STAG3: variants seen among roughly 807,000 people sequenced by gnomAD.
The protein encoded by STAG3 is STAG3 cohesin complex component.
In STAG3, 101 loss-of-function variants were observed where a neutral mutation model predicts 160.7. That is an observed-to-expected ratio of 0.63 (90% CI 0.54 to 0.74). The LOEUF (loss-of-function observed/expected upper bound fraction) is 0.74. Ranked by LOEUF, STAG3 falls within the 30% of genes least tolerant of loss-of-function variation. The probability of loss-of-function intolerance (pLI) is 0.00; values close to 1 mark genes in which losing one functional copy is unlikely to be tolerated. For missense variants in STAG3, 1,188 were observed against 1,517.4 expected, an observed-to-expected ratio of 0.78 and a Z score of 3.61; for synonymous variants, 519 against 585.0, an observed-to-expected ratio of 0.89 and a Z score of 1.63.
In STAG3 at chr7:100,187,515, G is replaced by A. The variant is rs535881933; in HGVS notation, c.434-938G>A. ...TACTCTGAAGCCTTTGTACAGGCCT[G>A]GGTACTTTTGGGAGCCTGAGCTGGA... On this transcript the variant is annotated intron_variant, in intron 5 of 33. Transcript: ENST00000615138. 3.3e-5 allele frequency among the ~76,000 whole-genome samples: 5 copies of A among 152,232 alleles called. 1 individual carries two copies. The South Asian group carries it at 1.0e-3, about 32-fold the overall frequency.
At chr7:100,217,888 G>A (rs1802905035), downstream of STAG3, among the ~76,000 whole-genome samples, 1 of 151,762 alleles carries the variant, frequency 6.6e-6, no homozygotes, top group Non-Finnish European at 1.5e-5. Flanking sequence ...TGAAACAGGA[G>A]GGTGACTGCT....
intron 32 of STAG3, chr7:100,212,944 T>TA (rs563019189): frequency 6.5e-6 from 1 of 153,584 alleles, no homozygotes; most frequent in Non-Finnish European, 1.5e-5. Context: ...AAATATAAGG[T>TA]AAAACCACCT....
rs1800784130 is a variant in STAG3 at position 100,197,795 on chromosome 7, G to A, written c.1083G>A (p.Leu361=). 6.2e-7 allele frequency: 1 copy of A among 1,613,850 alleles called. No homozygotes were observed. Among genetic ancestry groups the A allele is most frequent in the Non-Finnish European group, 8.5e-7 (1 of 1,179,910 alleles). Residue 361 remains leucine, a synonymous_variant, in exon 11 of 34, where the codon CTG becomes CTA. Transcript: ENST00000615138. ...TLHDKHREVR[L]KCVKALKGLY... The stretch of plus-strand genomic sequence containing the variant: ...CTCACCAGCACCGAGAAGTCCGCCT[G>A]AAGTGTGTGAAGGCCCTGAAAGGGC...
Position 100,201,107 on chromosome 7 carries a change from G to C in STAG3, c.2079G>C (p.Glu693Asp). 1 of 1,614,166 alleles carries C rather than the reference G, an allele frequency of 6.2e-7. No individual in the cohort carries two copies. Among genetic ancestry groups the C allele is most frequent in the Non-Finnish European group, 8.5e-7 (1 of 1,180,030 alleles). ...CTTCTCAGTCGTCCTTCCTAGATGA[G>C]GATGAGGTATATAATCTGGCAGCCA... is the stretch of plus-strand genomic sequence containing the variant. ...EELLQSSFLD[E>D]DEVYNLAATL... The change falls in exon 20 of 34, where the codon GAG becomes GAC. Residue 693 changes from glutamate to aspartate, a missense_variant. Glu to Asp is a conservative substitution (Grantham distance 45). Around this residue, in one of 4 missense-constraint regions of STAG3, gnomAD observed 647 missense variants for 717.2 expected, o/e 0.90. Transcript: ENST00000615138.
intron 32 of STAG3, 128 bp from the exon 33 acceptor site, chr7:100,213,607 G>A: frequency 6.6e-7 from 1 of 1,516,298 alleles, no homozygotes; most frequent in African/African-American, 1.4e-5. Flanking sequence ...TCCCTCCCAG[G>A]AGGTGCCATA....
At chr7:100,187,737 T>C (rs1396873053) in intron 5 of STAG3, among the ~76,000 whole-genome samples, 1 of 151,422 alleles carries the variant, frequency 6.6e-6, no homozygotes, top group African/African-American at 2.4e-5. Context: ...CCTATGGCCC[T>C]GGCATTGTTG....
intron 29 of STAG3, among the ~76,000 whole-genome samples, chr7:100,206,882 C>T (rs1024751093): frequency 6.6e-6 from 1 of 152,182 alleles, no homozygotes; most frequent in Non-Finnish European, 1.5e-5. Flanking sequence ...CATACCCATT[C>T]GCAGTCTCTG....
downstream of STAG3, among the ~76,000 whole-genome samples, chr7:100,217,634 T>A (rs190932389): frequency 3.9e-5 from 6 of 152,130 alleles, no homozygotes; most frequent in East Asian, 1.9e-4. Context: ...TTTATGGTAT[T>A]CAAGGCAAAG....
Position 100,213,736 on chromosome 7 carries a change from A to T in STAG3, c.3602A>T (p.Gln1201Leu). The T allele has an allele frequency of 6.2e-7, 1 of 1,614,228 alleles. No individual in the cohort carries two copies. Among genetic ancestry groups the T allele is most frequent in the Non-Finnish European group, 8.5e-7 (1 of 1,180,044 alleles). Reference sequence around the variant, plus strand: ...GACTTTTAACCTCATTCTCTCTAGCAAGCAAGTAGCTACTCTTCCACCAGT... The same window carrying T: ...GACTTTTAACCTCATTCTCTCTAGCTAGCAAGTAGCTACTCTTCCACCAGT... Reference protein sequence around the residue: ...SNEERQDTDMQASSYSSTSER... With the variant: ...SNEERQDTDMLASSYSSTSER... The change falls in exon 33 of 34, where the codon CAA becomes CTA. Residue 1201 changes from glutamine to leucine, a missense_variant and splice_region_variant. Transcript: ENST00000615138.
chr7:100,180,572 C>G lies in STAG3; in HGVS notation c.16C>G (p.Gln6Glu), dbSNP rs1799580856. The G allele has an allele frequency of 6.2e-7, 1 of 1,610,768 alleles. No homozygotes were observed. Among genetic ancestry groups the G allele is most frequent in the African/African-American group, 1.3e-5 (1 of 74,894 alleles). Reference protein sequence around the residue: MSSPLQRAVGDTKRAL... With the variant: MSSPLERAVGDTKRAL... ...CTCTCCAAGCATGTCTTCCCCGTTG[C>G]AAAGAGCTGTGGGAGATACCAAGAG... Residue 6 changes from glutamine (Q) to glutamate (E), a missense_variant, in exon 2 of 34, where the codon CAA becomes GAA. Coordinates refer to ENST00000615138, the MANE Select transcript of STAG3 (RefSeq NM_001282717.2).
At position 100,202,233 on chromosome 7, in the gene STAG3, G is replaced by C. The variant is rs752782533; in HGVS notation, c.2456G>C (p.Arg819Pro). The change falls in exon 24 of 34, where the codon CGT (arginine) becomes CCT (proline). Residue 819 changes from arginine (R) to proline (P), a missense_variant. Around this residue, in one of 4 missense-constraint regions of STAG3, gnomAD observed 647 missense variants for 717.2 expected, o/e 0.90. Coordinates refer to ENST00000615138, the MANE Select transcript of STAG3 (RefSeq NM_001282717.2). ...IFSPQMIVGG[R>P]DFLRPLVFFP... The stretch of plus-strand genomic sequence containing the variant: ...AGCCCTCAGATGATTGTTGGGGGCC[G>C]TGATTTCCTTAGGCCACTTGTCTTT... 9 of 1,613,978 alleles carry C rather than the reference G, an allele frequency of 5.6e-6. No homozygotes were observed. In the East Asian group the frequency reaches 2.0e-4, roughly 36 times the overall value.
Position 100,200,796 on chromosome 7 carries a change from C to T in STAG3, c.1888C>T (p.Gln630Ter), listed in dbSNP as rs950113387. The change falls in exon 19 of 34, where the codon CAG becomes TAG. Residue 630 changes from glutamine (Q) to a stop codon, truncating the protein, a stop_gained. Coordinates refer to ENST00000615138, the MANE Select transcript of STAG3 (RefSeq NM_001282717.2). LOFTEE classifies it high-confidence loss of function. ...KHLELFLQQLQEVVVKHAEPA... is the reference protein window; with the variant it reads ...KHLELFLQQL ...CCTGGAGCTGTTCCTGCAGCAACTC[C>T]AGGAGGTGGTGGTGAAGCATGCAGA... 6.2e-7 allele frequency: 1 copy of T among 1,614,200 alleles called. No individual in the cohort carries two copies. The highest frequency in any genetic ancestry group is 1.6e-4 in the Middle Eastern group (1 of 6,062).
intron 10 of STAG3, 43 bp downstream of exon 10, chr7:100,197,322 T>C (rs1361805117): frequency 1.2e-6 from 2 of 1,601,442 alleles, no homozygotes; most frequent in Admixed American, 1.7e-5. Context: ...CTTCATCTTT[T>C]TCCTGTCCTA....
chr7:100,185,623 GA>G (rs1003448446), intron 4 of STAG3, among the ~76,000 whole-genome samples: 9 of 147,696 alleles, frequency 6.1e-5, no homozygotes, highest in South Asian at 2.2e-4. Flanking sequence ...AAAAGGAAAA[GA>G]AAAAAAAAGA....
At chr7:100,204,439 T>C (rs1210572607) in intron 26 of STAG3, among the ~76,000 whole-genome samples, 188 bp from the exon 27 acceptor site, 2 of 152,200 alleles carry the variant, frequency 1.3e-5, no homozygotes, top group South Asian at 2.1e-4. Context: ...TTTAATGTTA[T>C]GGAGTAGAGG....
chr7:100,216,702 G>C (rs1252180007), downstream of STAG3, among the ~76,000 whole-genome samples: 2 of 151,640 alleles, frequency 1.3e-5, no homozygotes, highest in South Asian at 2.1e-4. Flanking sequence ...TCGGGAGGCT[G>C]AGACAGGAGA....
intron 2 of STAG3, 36 bp downstream of exon 2, chr7:100,180,708 G>A: frequency 7.8e-7 from 1 of 1,287,968 alleles, no homozygotes; most frequent in East Asian, 2.3e-5. Flanking sequence ...CACTTCCTGT[G>A]TCCCTGGCAG....
chr7:100,200,138 C>T, intron 16 of STAG3, 98 bp from the exon 17 acceptor site: 1 of 818,262 alleles, frequency 1.2e-6, no homozygotes, highest in Non-Finnish European at 1.9e-6. Flanking sequence ...TTCTCTTTTC[C>T]TTCTAGGCAG....
In STAG3 at chr7:100,180,668, G is replaced by C; in HGVS notation, c.112G>C (p.Glu38Gln). The part of the protein sequence containing the change: ...FDDRDSNHTS[E>Q]GNGDSLLADE... ...TGACAGGGACTCAAACCATACCTCAGAGGGGTAAGTAGATGTTGCATTGTG... is the reference window on the plus strand; with the variant it reads ...TGACAGGGACTCAAACCATACCTCACAGGGGTAAGTAGATGTTGCATTGTG... Residue 38 changes from glutamate (E) to glutamine (Q), a missense_variant, in exon 2 of 34, where the codon GAG becomes CAG. Physicochemically the swap from Glu to Gln is conservative, Grantham distance 29 (BLOSUM62 2). Around this residue, in one of 4 missense-constraint regions of STAG3, gnomAD observed 296 missense variants for 404.0 expected, o/e 0.73. Transcript: ENST00000615138. The C allele has an allele frequency of 6.3e-7, 1 of 1,584,464 alleles. No homozygotes were observed. Among genetic ancestry groups the C allele is most frequent in the Non-Finnish European group, 8.7e-7 (1 of 1,152,786 alleles).
Sources: allele counts gnomAD v4.1 joint callset (sites outside exome capture counted in the v4.1 genomes callset), GRCh38; gene constraint gnomAD v4.1.1; regional missense constraint gnomAD v4.1.1; transcripts MANE v1.5; gene names NCBI Gene and HGNC (gene_info 2026-07-23, HGNC 2026-07-21).